Variants in CHD8 observed in about 807,000 individuals in gnomAD.
CHD8 encodes chromodomain helicase DNA binding protein 8, also known as ATP-dependent chromatin remodeler CHD8.
CHD8 carries 31 observed loss-of-function variants against 279.2 expected under a neutral mutation model. That is an observed-to-expected ratio of 0.11 (90% CI 0.08 to 0.15). CHD8 has a LOEUF of 0.15. Ranked by LOEUF, CHD8 falls within the 10% of genes least tolerant of loss-of-function variation. The pLI is 1.00. For synonymous variants in CHD8, 1,081 were observed against 1,139.6 expected, an observed-to-expected ratio of 0.95 and a Z score of 1.04; for missense variants, 2,146 against 3,230.5, an observed-to-expected ratio of 0.66 and a Z score of 8.14.
intron 13 of CHD8, among the ~76,000 whole-genome samples, chr14:21,407,515 AAG>A (rs1258730213): frequency 2.0e-5 from 3 of 152,260 alleles, no homozygotes; most frequent in East Asian, 3.8e-4. Flanking sequence ...AAATAAAAAA[AAG>A]AAAACTAATA....
chr14:21,430,923 G>C lies in CHD8; in HGVS notation c.721C>G (p.Pro241Ala). The change falls in exon 2 of 38, where the codon CCC (proline) becomes GCC (alanine). Residue 241 changes from proline to alanine, a missense_variant. Pro to Ala is a conservative substitution (Grantham distance 27). Transcript: ENST00000646647. ...ACCAGCTGCTTTACTGGTCGGCTGG[G>C]CTGGACAATGCGCTGAACAGCAGCC... ...NQAAVQRIVQ[P>A]SRPVKQLVLQ... The C allele has an allele frequency of 6.3e-7, 1 of 1,599,516 alleles. No homozygotes were observed. Among genetic ancestry groups the C allele is most frequent in the Non-Finnish European group, 8.5e-7 (1 of 1,179,788 alleles).
intron 1 of CHD8, among the ~76,000 whole-genome samples, chr14:21,455,407 G>A (rs1392790862): frequency 5.2e-4 from 79 of 152,092 alleles, no homozygotes; most frequent in Admixed American, 5.2e-3. Flanking sequence ...ATAATGCAAC[G>A]GAAAACCAGT....
At position 21,431,538 on chromosome 14, in the gene CHD8, C is replaced by G. The variant is rs183917702; in HGVS notation, c.106G>C (p.Ala36Pro). The G allele has an allele frequency of 6.5e-7, 1 of 1,537,200 alleles. No individual in the cohort carries two copies. The highest frequency in any genetic ancestry group is 2.0e-5 in the Admixed American group (1 of 50,990). Residue 36 changes from alanine (A) to proline (P), a missense_variant, in exon 2 of 38, where the codon GCC (alanine) becomes CCC (proline). Around this residue, in one of 26 missense-constraint regions of CHD8, gnomAD observed 302 missense variants for 325.5 expected, o/e 0.93. Transcript: ENST00000646647. ...NQVTQDPIEE[A>P]LGLPSSLDSL... ...TCCAGAGAGCTTGGCAGTCCAAGGGCTTCCTCAATGGGGTCTTGTGTGACC... is the reference window on the plus strand; with the variant it reads ...TCCAGAGAGCTTGGCAGTCCAAGGGGTTCCTCAATGGGGTCTTGTGTGACC...
At chr14:21,412,433 C>T (rs760366964) in intron 10 of CHD8, among the ~76,000 whole-genome samples, 7 of 152,090 alleles carry the variant, frequency 4.6e-5, no homozygotes, top group Admixed American at 1.3e-4. Context: ...TGTGGGCCAC[C>T]GCGCCTGGCC....
chr14:21,441,631 G>A (rs1337033223), intron 1 of CHD8, among the ~76,000 whole-genome samples: 2 of 152,098 alleles, frequency 1.3e-5, no homozygotes, highest in African/African-American at 4.8e-5. Context: ...GCTCATGCCT[G>A]TAATCCCAGC....
At position 21,391,875 on chromosome 14, in the gene CHD8, T is replaced by G. The variant is rs753375281; in HGVS notation, c.6843A>C (p.Pro2281=). 1 of 1,613,728 alleles carries G rather than the reference T, an allele frequency of 6.2e-7. No homozygotes were observed. Among genetic ancestry groups the G allele is most frequent in the African/African-American group, 1.3e-5 (1 of 74,932 alleles). The change falls in exon 35 of 38, where the codon CCA becomes CCC. Residue 2281 remains proline (P), a synonymous_variant. Coordinates refer to ENST00000646647, the MANE Select transcript of CHD8 (RefSeq NM_001170629.2). ...TGTTCCCCTTCTTCTTATGAAACAGTGGATGTCCATCTCCCATTACTCCAT... is the reference window on the plus strand; with the variant it reads ...TGTTCCCCTTCTTCTTATGAAACAGGGGATGTCCATCTCCCATTACTCCAT... The part of the protein sequence containing the change: ...MANGVMGDGH[P]LFHKKKGNRK...
At chr14:21,409,790 A>T in intron 11 of CHD8, 61 bp downstream of exon 11, 1 of 1,492,210 alleles carries the variant, frequency 6.7e-7, no homozygotes, top group Non-Finnish European at 9.1e-7. Flanking sequence ...AAAATTTCAT[A>T]GGGGAAAAAA....
Position 21,405,904 on chromosome 14 carries a change from T to G in CHD8, c.2908-40A>C. ...AACAAAAGAATAAAATTTAAAAACA[T>G]GAAGGACTTCTGGGGTTTCCTATCA... is the stretch of plus-strand genomic sequence containing the variant. On this transcript the variant is annotated intron_variant, in intron 14 of 37. Transcript: ENST00000646647. This position sits in a 1 kb window ranked among gnomAD's most constrained non-coding sequence, Gnocchi z 4.2. 6 of 1,563,568 alleles carry G rather than the reference T, an allele frequency of 3.8e-6. No individual in the cohort carries two copies. Among genetic ancestry groups the G allele is most frequent in the Non-Finnish European group, 5.2e-6 (6 of 1,147,272 alleles).
In CHD8 at chr14:21,386,034, G is replaced by A. The variant is rs373512936; in HGVS notation, c.7325C>T (p.Ser2442Phe). ...LMQGGSTGSL[S>F]LHNTFQHSSS... ...GCTGTGTTGGAACGTGTTATGCAGA[G>A]ATAGAGACCCAGTGCTTCCACCCTG... Residue 2442 changes from serine (S) to phenylalanine (F), a missense_variant, in exon 38 of 38, where the codon TCT becomes TTT. Physicochemically the swap from Ser to Phe is radical, Grantham distance 155. Around this residue, in one of 26 missense-constraint regions of CHD8, gnomAD observed 336 missense variants for 392.9 expected, o/e 0.86. Transcript: ENST00000646647. 8.1e-6 allele frequency: 13 copies of A among 1,597,130 alleles called. No homozygotes were observed. Among genetic ancestry groups the A allele is most frequent in the African/African-American group, 2.7e-5 (2 of 74,690 alleles).
chr14:21,418,584 G>C (rs989993682), intron 5 of CHD8, among the ~76,000 whole-genome samples: 1 of 152,132 alleles, frequency 6.6e-6, no homozygotes, highest in Non-Finnish European at 1.5e-5. Flanking sequence ...GGGAGGCCAA[G>C]GTGGGCATAT....
At position 21,393,951 on chromosome 14, in the gene CHD8, G is replaced by A. The variant is rs1022724488; in HGVS notation, c.5844C>T (p.Asn1948=). Residue 1948 remains asparagine, a synonymous_variant, in exon 32 of 38, where the codon AAC becomes AAT. Transcript: ENST00000646647. ...AAGAGAAGTCTGGGTCCTGCATGAT[G>A]TTGCAGTCTGTTTGGCTCACCCCAT... ...ARHGVSQTDC[N]IMQDPDFSFL... is the part of the protein sequence containing the mutation. 6.2e-7 allele frequency: 1 copy of A among 1,613,996 alleles called. No homozygotes were observed. The highest frequency in any genetic ancestry group is 1.7e-5 in the Admixed American group (1 of 60,018).
intron 8 of CHD8, 149 bp from the exon 9 acceptor site, chr14:21,414,567 A>T: frequency 1.6e-6 from 1 of 608,044 alleles, no homozygotes; most frequent in Non-Finnish European, 2.9e-6. Flanking sequence ...CTGAAACTCT[A>T]ATTTGTATAC....
At position 21,386,117 on chromosome 14, in the gene CHD8, G is replaced by C; in HGVS notation, c.7242C>G (p.Ser2414Arg). 5.1e-6 allele frequency: 8 copies of C among 1,554,014 alleles called. No homozygotes were observed. The highest frequency in any genetic ancestry group is 7.0e-6 in the Non-Finnish European group (8 of 1,148,220). ...RVLPGPIAPE[S>R]SKKRARRMRP... ...GCATCCTACGGGCCCGCTTCTTGCTGCTCTCTGGTGCAATAGGCCCTGGCA... is the reference window on the plus strand; with the variant it reads ...GCATCCTACGGGCCCGCTTCTTGCTCCTCTCTGGTGCAATAGGCCCTGGCA... The change falls in exon 38 of 38, where the codon AGC (serine) becomes AGG (arginine). Residue 2414 changes from serine to arginine, a missense_variant. Ser to Arg is a moderately radical substitution (Grantham distance 110). Around this residue, in one of 26 missense-constraint regions of CHD8, gnomAD observed 336 missense variants for 392.9 expected, o/e 0.86. Coordinates refer to ENST00000646647, the MANE Select transcript of CHD8 (RefSeq NM_001170629.2).
chr14:21,390,744 C>T (rs891236151), intron 37 of CHD8, among the ~76,000 whole-genome samples: 8 of 145,300 alleles, frequency 5.5e-5, no homozygotes, highest in African/African-American at 2.1e-4. Context: ...CGCCACTGCA[C>T]GACAGCAGAG....
chr14:21,449,478 A>T (rs982964094), intron 1 of CHD8, among the ~76,000 whole-genome samples: 1 of 152,200 alleles, frequency 6.6e-6, no homozygotes, highest in African/African-American at 2.4e-5. Flanking sequence ...GACTTGGCAG[A>T]GCTGATCTGT....
chr14:21,401,581 G>T, intron 20 of CHD8, 68 bp from the exon 21 acceptor site: 3 of 996,652 alleles, frequency 3.0e-6, no homozygotes, highest in Non-Finnish European at 2.9e-6. Flanking sequence ...CAGCAATTAT[G>T]TTTTAAAAAC....
chr14:21,403,403 C>T lies in CHD8; in HGVS notation c.3518+50G>A, dbSNP rs1272391384. The T allele has an allele frequency of 4.1e-6, 6 of 1,460,358 alleles. No individual in the cohort carries two copies. Among genetic ancestry groups the T allele is most frequent in the Admixed American group, 3.9e-5 (2 of 50,708 alleles). 90.5% of individuals were successfully genotyped at this position (1,460,358 alleles called of 1,614,324 possible). On this transcript the variant is annotated intron_variant, in intron 17 of 37. Transcript: ENST00000646647. This position sits in a 1 kb window ranked among gnomAD's most constrained non-coding sequence, Gnocchi z 4.3. ...TAAATCCAGGCCCTCCTACTTTTTG[C>T]TGCTTTATGAGGACAGAGTAACCAC...
At position 21,408,934 on chromosome 14, in the gene CHD8, T is replaced by C. The variant is rs1322145750; in HGVS notation, c.2365-109A>G. The C allele has an allele frequency of 9.0e-7, 1 of 1,114,464 alleles. No homozygotes were observed. The highest frequency in any genetic ancestry group is 2.6e-5 in the East Asian group (1 of 38,808). The allele number at this position is 1,114,464 out of a possible 1,614,324, so 69.0% of individuals were successfully genotyped here. Reference sequence around the variant, plus strand: ...CAATTCAAAACAACATTGTTTGGATTAAAACATGTCAAATATATTTAAATT... The same window carrying C: ...CAATTCAAAACAACATTGTTTGGATCAAAACATGTCAAATATATTTAAATT... On this transcript the variant is annotated intron_variant, in intron 11 of 37. Coordinates refer to ENST00000646647, the MANE Select transcript of CHD8 (RefSeq NM_001170629.2). This position sits in a 1 kb window ranked among gnomAD's most constrained non-coding sequence, Gnocchi z 4.3.
intron 5 of CHD8, among the ~76,000 whole-genome samples, chr14:21,421,004 C>T (rs1470748348): frequency 1.3e-5 from 2 of 152,150 alleles, no homozygotes; most frequent in Non-Finnish European, 2.9e-5. Context: ...TCAGGTGATC[C>T]ACCTGCCTCG....
Sources: allele counts gnomAD v4.1 joint callset (sites outside exome capture counted in the v4.1 genomes callset), GRCh38; gene constraint gnomAD v4.1.1; regional missense constraint gnomAD v4.1.1; non-coding constraint Gnocchi (gnomAD v3.1); transcripts MANE v1.5; gene names NCBI Gene and HGNC (gene_info 2026-07-23, HGNC 2026-07-21).